Variants in DNAH11 observed in about 807,000 individuals in gnomAD.
The protein encoded by DNAH11 is dynein axonemal heavy chain 11, also known as axonemal beta dynein heavy chain 11.
A neutral mutation model predicts 526.0 loss-of-function variants in DNAH11; 442 were observed. The observed-to-expected ratio is 0.84, with a 90% CI of 0.78 to 0.91. The LOEUF is 0.91. Among genes scored for constraint, DNAH11 ranks in the 40% least tolerant of loss-of-function variants. The pLI, the probability that DNAH11 is intolerant of heterozygous loss-of-function variation, is 0.00. For synonymous variants in DNAH11, 2,461 were observed against 1,935.9 expected (o/e 1.27, Z -7.12); for missense variants, 6,989 against 5,448.7 (o/e 1.28, Z -8.90).
intron 57 of DNAH11, 33 bp downstream of exon 57, chr7:21,779,137 C>T (rs994303376): frequency 1.3e-6 from 2 of 1,588,194 alleles, no homozygotes; most frequent in Non-Finnish European, 1.7e-6. Context: ...GAGTGCGGAG[C>T]TATATTTAGC....
intron 30 of DNAH11, among the ~76,000 whole-genome samples, chr7:21,667,397 G>T (rs1782462736): frequency 6.6e-6 from 1 of 152,078 alleles, no homozygotes; most frequent in African/African-American, 2.4e-5. Flanking sequence ...CATCTCTATT[G>T]TAGTGGTTGC....
chr7:21,744,850 TTC>T lies in DNAH11; in HGVS notation c.8317-16_8317-15del. The T allele has an allele frequency of 6.3e-7, 1 of 1,592,312 alleles. No homozygotes were observed. The highest frequency in any genetic ancestry group is 8.5e-7 in the Non-Finnish European group (1 of 1,170,524). ...TATGGATGGTTGACATGCCATATTT[TTC>T]TCTTTCTCATCCTGCAGGGTATAGA... On this transcript the variant is annotated intron_variant, in intron 50 of 81. Coordinates refer to ENST00000409508, the MANE Select transcript of DNAH11 (RefSeq NM_001277115.2).
Position 21,787,386 on chromosome 7 carries a change from C to A in DNAH11, c.9742-15C>A. 5 of 1,592,584 alleles carry A rather than the reference C, an allele frequency of 3.1e-6. No homozygotes were observed. Among genetic ancestry groups the A allele is most frequent in the South Asian group, 1.2e-5 (1 of 86,886 alleles). On this transcript the variant is annotated splice_polypyrimidine_tract_variant and intron_variant, in intron 59 of 81. Coordinates refer to ENST00000409508, the MANE Select transcript of DNAH11 (RefSeq NM_001277115.2). The stretch of plus-strand genomic sequence containing the variant: ...CCAAAATGGGTTCATTGCAATAAAT[C>A]TTTTTGCTTTGCAGGTTGATGATTT...
intron 6 of DNAH11, 47 bp from the exon 7 acceptor site, chr7:21,570,022 A>G (rs1459307142): frequency 1.4e-6 from 2 of 1,416,554 alleles, no homozygotes; most frequent in Non-Finnish European, 1.9e-6. Context: ...ACAGGGAAAA[A>G]CTGTTAAACA....
At position 21,601,104 on chromosome 7, in the gene DNAH11, A is replaced by T; in HGVS notation, c.3350A>T (p.Lys1117Ile). 1.9e-6 allele frequency: 3 copies of T among 1,610,488 alleles called. No individual in the cohort carries two copies. The South Asian group carries it at 3.4e-5, about 18-fold the overall frequency. Residue 1117 changes from lysine to isoleucine, a missense_variant, in exon 17 of 82, where the codon AAA (lysine) becomes ATA (isoleucine). Lys to Ile is a moderately radical substitution (Grantham distance 102, BLOSUM62 -3). Transcript: ENST00000409508. ...SWFKVDMKPF[K>I]VSLLTIIKKW... ...TTCAAGGTGGACATGAAGCCTTTCAAAGTGAGCTTGTTAACCATAATTAAG... is the reference window on the plus strand; with the variant it reads ...TTCAAGGTGGACATGAAGCCTTTCATAGTGAGCTTGTTAACCATAATTAAG...
intron 66 of DNAH11, among the ~76,000 whole-genome samples, chr7:21,848,021 G>C (rs1782483737): frequency 6.6e-6 from 1 of 151,968 alleles, no homozygotes; most frequent in Non-Finnish European, 1.5e-5. Context: ...AAAAAAATTA[G>C]CTGGGCGTGG....
intron 54 of DNAH11, among the ~76,000 whole-genome samples, chr7:21,752,183 A>G (rs990526884): frequency 2.0e-4 from 30 of 152,266 alleles, no homozygotes; most frequent in African/African-American, 6.8e-4. Context: ...TTGTTTGTGT[A>G]TATCTTTCAT....
At chr7:21,567,031 T>C (rs1037232956) in intron 6 of DNAH11, among the ~76,000 whole-genome samples, 25 of 152,334 alleles carry the variant, frequency 1.6e-4, no homozygotes, top group African/African-American at 6.0e-4. Context: ...TGGCTTACTA[T>C]AAATTCCTGA....
intron 67 of DNAH11, 125 bp downstream of exon 67, chr7:21,852,756 T>A: frequency 9.9e-7 from 1 of 1,006,514 alleles, no homozygotes; most frequent in Non-Finnish European, 1.4e-6. Context: ...TCAGGTGATT[T>A]AATAAGCTGC....
chr7:21,693,609 T>C (rs967553483), intron 35 of DNAH11, among the ~76,000 whole-genome samples: 1 of 152,244 alleles, frequency 6.6e-6, no homozygotes, highest in Non-Finnish European at 1.5e-5. Flanking sequence ...TTTATTGGAA[T>C]CTTTTTAATA....
chr7:21,583,359 T>C (rs1035942092), intron 9 of DNAH11, among the ~76,000 whole-genome samples: 2 of 152,270 alleles, frequency 1.3e-5, no homozygotes, highest in Admixed American at 1.3e-4. Context: ...ATTTAATAAA[T>C]GGTGTTGGGA....
chr7:21,624,732 A>G (rs996945634), intron 25 of DNAH11, among the ~76,000 whole-genome samples: 3 of 152,200 alleles, frequency 2.0e-5, no homozygotes, highest in Middle Eastern at 3.4e-3. Flanking sequence ...TTATATGCCA[A>G]TTTTGTTGGA....
intron 6 of DNAH11, among the ~76,000 whole-genome samples, 153 bp from the exon 7 acceptor site, chr7:21,569,916 C>T (rs1783819007): frequency 6.6e-6 from 1 of 152,172 alleles, no homozygotes; most frequent in African/African-American, 2.4e-5. Flanking sequence ...GTCCAAGTAG[C>T]TGAATTTCTA....
intron 24 of DNAH11, among the ~76,000 whole-genome samples, chr7:21,619,532 T>C (rs1057386366): frequency 6.6e-6 from 1 of 152,220 alleles, no homozygotes; most frequent in African/African-American, 2.4e-5. Context: ...AGGTAAGTAA[T>C]AGTATCTCTA....
intron 68 of DNAH11, among the ~76,000 whole-genome samples, chr7:21,860,586 A>T (rs1262388201): frequency 6.6e-6 from 1 of 152,224 alleles, no homozygotes; most frequent in African/African-American, 2.4e-5. Flanking sequence ...AATGTTGTAT[A>T]TCCGTGCAGT....
At chr7:21,616,459 C>G (rs1004348333) in intron 22 of DNAH11, among the ~76,000 whole-genome samples, 167 bp downstream of exon 22, 10 of 152,010 alleles carry the variant, frequency 6.6e-5, no homozygotes, top group African/African-American at 2.4e-4. Context: ...CACTTCTAAT[C>G]AAGCCTGTCT....
At chr7:21,595,067 A>G (rs1784816499) in intron 14 of DNAH11, among the ~76,000 whole-genome samples, 1 of 152,190 alleles carries the variant, frequency 6.6e-6, no homozygotes, top group South Asian at 2.1e-4. Context: ...CTGATATAGC[A>G]AAATACTCTA....
Position 21,750,114 on chromosome 7 carries a change from C to T in DNAH11, c.8798-108C>T, listed in dbSNP as rs116343842. Reference sequence around the variant, plus strand: ...TGACGTTTCTGATTTTAAACTCTTACCATTTATGCTGAACTTTGTCTTGTA... The same window carrying T: ...TGACGTTTCTGATTTTAAACTCTTATCATTTATGCTGAACTTTGTCTTGTA... On this transcript the variant is annotated intron_variant, in intron 53 of 81. Coordinates refer to ENST00000409508, the MANE Select transcript of DNAH11 (RefSeq NM_001277115.2). 3,457 of 1,351,484 alleles carry T rather than the reference C, an allele frequency of 2.6e-3. 77 individuals are homozygous for T. In the African/African-American group the frequency reaches 0.047, roughly 18 times the overall value. 83.7% of individuals were successfully genotyped at this position (1,351,484 alleles called of 1,614,324 possible).
chr7:21,729,480 C>T (rs2906672), intron 45 of DNAH11, among the ~76,000 whole-genome samples: 98,664 of 152,046 alleles, frequency 0.65, 32,464 homozygotes, highest in South Asian at 0.73. Flanking sequence ...TAGTTCCTTT[C>T]TGCTTAACAG....
Sources: allele counts gnomAD v4.1 joint callset (sites outside exome capture counted in the v4.1 genomes callset), GRCh38; gene constraint gnomAD v4.1.1; transcripts MANE v1.5; gene names NCBI Gene and HGNC (gene_info 2026-07-23, HGNC 2026-07-21).